ABCA4: variants seen among roughly 807,000 people sequenced by gnomAD.
ABCA4 encodes retinal-specific phospholipid-transporting ATPase ABCA4.
A neutral mutation model predicts 263.7 loss-of-function variants in ABCA4; 196 were observed. That is an observed-to-expected ratio of 0.74 (90% CI 0.66 to 0.84). ABCA4 has a LOEUF of 0.84. ABCA4 is among the 40% of genes least tolerant of loss of function. The pLI, the probability that ABCA4 is intolerant of heterozygous loss-of-function variation, is 0.00. For missense variants in ABCA4, 2,792 were observed against 2,855.1 expected, an observed-to-expected ratio of 0.98 and a Z score of 0.50; for synonymous variants, 1,133 against 1,094.2, an observed-to-expected ratio of 1.04 and a Z score of -0.70.
At chr1:94,105,274 C>T (rs921636679) in intron 4 of ABCA4, among the ~76,000 whole-genome samples, 1 of 152,190 alleles carries the variant, frequency 6.6e-6, no homozygotes, top group Non-Finnish European at 1.5e-5. Context: ...GACTGTTTAT[C>T]TCTTCGTTAT....
chr1:94,080,654 C>T lies in ABCA4; in HGVS notation c.923G>A (p.Gly308Asp), dbSNP rs1026256692. Residue 308 changes from glycine to aspartate, a missense_variant, in exon 8 of 50, where the codon GGT becomes GAT. By Grantham distance (94) the Gly-to-Asp change is moderately conservative. Coordinates refer to ENST00000370225, the MANE Select transcript of ABCA4 (RefSeq NM_000350.3). ...CATCAGCTTTGTAAAGGTCTCTGGA[C>T]CACCATTCTGCATGAGGGGCCTGGT... is the stretch of plus-strand genomic sequence containing the variant. ...WVTRPLMQNG[G>D]PETFTKLMGI... 6.2e-7 allele frequency: 1 copy of T among 1,614,012 alleles called. No homozygotes were observed. Among genetic ancestry groups the T allele is most frequent in the African/African-American group, 1.3e-5 (1 of 74,886 alleles).
chr1:94,018,294 G>A (rs867460041), intron 36 of ABCA4, among the ~76,000 whole-genome samples: 14 of 152,218 alleles, frequency 9.2e-5, no homozygotes, highest in African/African-American at 3.1e-4. Context: ...AAAAGCCTCC[G>A]CACTTTTCTA....
At chr1:94,030,602 T>C (rs1660172799) in intron 28 of ABCA4, 76 bp from the exon 29 acceptor site, 1 of 1,375,792 alleles carries the variant, frequency 7.3e-7, no homozygotes, top group Non-Finnish European at 1.0e-6. Flanking sequence ...CTTTACTGGA[T>C]AGCTGCTGTG....
At chr1:94,067,662 C>G (rs1661306414) in intron 11 of ABCA4, among the ~76,000 whole-genome samples, 1 of 152,198 alleles carries the variant, frequency 6.6e-6, no homozygotes. Flanking sequence ...TATGCCCTAT[C>G]TCATAGGTTT....
intron 36 of ABCA4, among the ~76,000 whole-genome samples, chr1:94,017,428 A>G (rs148321909): frequency 3.9e-4 from 59 of 152,374 alleles, no homozygotes; most frequent in African/African-American, 1.3e-3. Context: ...TCTGCAAAAT[A>G]ACCAGCCTGC....
rs535201968 is a variant in ABCA4 at position 94,021,188 on chromosome 1, A to G, written c.5018+52T>C. 5.6e-6 allele frequency: 9 copies of G among 1,610,998 alleles called. No homozygotes were observed. In the Admixed American group the frequency reaches 1.2e-4, roughly 21 times the overall value. On this transcript the variant is annotated intron_variant, in intron 35 of 49. Transcript: ENST00000370225. ...GTGAGAATCCTCTCAGGATGTTCAAAGAGTGGAGAAGGTGACAAGAAAGTG... is the reference window on the plus strand; with the variant it reads ...GTGAGAATCCTCTCAGGATGTTCAAGGAGTGGAGAAGGTGACAAGAAAGTG...
intron 20 of ABCA4, 46 bp from the exon 21 acceptor site, chr1:94,043,521 C>T: frequency 6.2e-7 from 1 of 1,611,698 alleles, no homozygotes; most frequent in Non-Finnish European, 8.5e-7. Flanking sequence ...AGCACTTCCA[C>T]TTCCAGCAGC....
At chr1:94,011,432 C>T (rs1174230275) in intron 38 of ABCA4, 47 bp from the exon 39 acceptor site, 1 of 1,603,164 alleles carries the variant, frequency 6.2e-7, no homozygotes, top group South Asian at 1.1e-5. Flanking sequence ...AACCCCACCC[C>T]CCCTCTCTTC....
chr1:94,077,707 C>T lies in ABCA4; in HGVS notation c.1537G>A (p.Val513Ile), dbSNP rs756023611. 2.5e-6 allele frequency: 4 copies of T among 1,612,616 alleles called. No individual in the cohort carries two copies. Among genetic ancestry groups the T allele is most frequent in the East Asian group, 2.2e-5 (1 of 44,850 alleles). ...CCCCTTACCTCCAGGTATTGATTGA[C>T]CAGGCGGAGGGTGCGATCAGTGATG... Reference protein sequence around the residue: ...FNITDRTLRLVNQYLECLVLD... With the variant: ...FNITDRTLRLINQYLECLVLD... Residue 513 changes from valine to isoleucine, a missense_variant, in exon 11 of 50, where the codon GTC (valine) becomes ATC (isoleucine). Physicochemically the swap from Val to Ile is conservative, Grantham distance 29. Transcript: ENST00000370225.
At chr1:94,003,942 A>AT (rs201539358) in intron 44 of ABCA4, among the ~76,000 whole-genome samples, 26 of 149,328 alleles carry the variant, frequency 1.7e-4, no homozygotes, top group Admixed American at 6.7e-4. Flanking sequence ...CCAGCCCCTT[A>AT]TTTTTTTTTT....
rs1659421446 is a variant in ABCA4 at position 94,007,438 on chromosome 1, AT to A, written c.6005+195del. The stretch of plus-strand genomic sequence containing the variant: ...ATCCCAACAGAGGAATCTCTTAACT[AT>A]CACAATTCAGTTCACTTTTCCATTG... On this transcript the variant is annotated intron_variant, in intron 43 of 49. Coordinates refer to ENST00000370225, the MANE Select transcript of ABCA4 (RefSeq NM_000350.3). 4.0e-5 allele frequency among the ~76,000 whole-genome samples: 6 copies of A among 151,790 alleles called. No homozygotes were observed. The South Asian group carries it at 1.2e-3, about 32-fold the overall frequency.
At chr1:94,055,090 C>T in intron 16 of ABCA4, 21 bp downstream of exon 16, 1 of 1,608,556 alleles carries the variant, frequency 6.2e-7, no homozygotes, top group African/African-American at 1.3e-5. Context: ...TTACCTTTAC[C>T]CTATAGAGGA....
chr1:94,031,211 TA>T, intron 27 of ABCA4, 91 bp from the exon 28 acceptor site: 10 of 1,533,570 alleles, frequency 6.5e-6, no homozygotes, highest in Non-Finnish European at 8.0e-6. Context: ...TTTAAACATT[TA>T]TCCTGCAGCC....
intron 22 of ABCA4, 66 bp from the exon 23 acceptor site, chr1:94,041,468 T>C: frequency 6.4e-7 from 1 of 1,566,492 alleles, no homozygotes; most frequent in East Asian, 2.2e-5. Flanking sequence ...GTAAAGGGTG[T>C]ACAGCAATTT....
intron 4 of ABCA4, among the ~76,000 whole-genome samples, chr1:94,104,949 A>G (rs1052087120): frequency 4.6e-5 from 7 of 152,092 alleles, no homozygotes; most frequent in African/African-American, 1.7e-4. Context: ...CATCCCCAAC[A>G]CACGCACACA....
At position 94,116,971 on chromosome 1, in the gene ABCA4, T is replaced by TTTC. The variant is rs1482707809; in HGVS notation, c.67-3908_67-3906dup. On this transcript the variant is annotated intron_variant, in intron 1 of 49. Coordinates refer to ENST00000370225, the MANE Select transcript of ABCA4 (RefSeq NM_000350.3). ...TCCCTCCCTCCTTTCTTTCTTTCTC[T>TTTC]TTCTTTCTTTCTTTCTTTCTTTCTT... Among the ~76,000 whole-genome samples, 47 of 75,548 alleles carry TTTC rather than the reference T, an allele frequency of 6.2e-4. No homozygotes were observed. The East Asian group carries it at 0.014, about 23-fold the overall frequency. The allele number at this position is 75,548 out of a possible 152,430, so 49.6% of individuals were successfully genotyped here.
chr1:94,060,711 T>G lies in ABCA4; in HGVS notation c.1986A>C (p.Ala662=), dbSNP rs564272715. ...NRCFPIFMVL[A]WIYSVSMTVK... is the part of the protein sequence containing the mutation. ...CAGTCATGGAGACAGAGTAGATCCA[T>G]GCCAGCACCATGAAGATAGGGAAAC... The change falls in exon 14 of 50, where the codon GCA becomes GCC. Residue 662 remains alanine, a synonymous_variant. Coordinates refer to ENST00000370225, the MANE Select transcript of ABCA4 (RefSeq NM_000350.3). 2.5e-6 allele frequency: 4 copies of G among 1,614,028 alleles called. No individual in the cohort carries two copies. The highest frequency in any genetic ancestry group is 3.4e-6 in the Non-Finnish European group (4 of 1,179,962).
In ABCA4 at chr1:93,993,921, G is replaced by C. The variant is rs7550875; in HGVS notation, c.6817-679C>G. Among the ~76,000 whole-genome samples, 356 of 152,200 alleles carry C rather than the reference G, an allele frequency of 2.3e-3. 4 individuals carry two copies. Among genetic ancestry groups the C allele is most frequent in the African/African-American group, 8.2e-3 (340 of 41,504 alleles). ...CGAGGAGGGGACTGGACAAAGGCCT[G>C]ACCAGTCTAGACGAAATGTGGTTTA... is the stretch of plus-strand genomic sequence containing the variant. On this transcript the variant is annotated intron_variant, in intron 49 of 49. Coordinates refer to ENST00000370225, the MANE Select transcript of ABCA4 (RefSeq NM_000350.3).
In ABCA4 at chr1:94,079,249, T is replaced by A. The variant is rs544004082; in HGVS notation, c.1239+73A>T. On this transcript the variant is annotated intron_variant, in intron 9 of 49. Transcript: ENST00000370225. ...GTGCTACCAGGAAGGCACATCTCTC[T>A]CACACACACACACACACACACACAC... 4.2e-4 allele frequency: 596 copies of A among 1,428,766 alleles called. No homozygotes were observed. The highest frequency in any genetic ancestry group is 8.4e-4 in the East Asian group (34 of 40,602). 88.5% of individuals were successfully genotyped at this position (1,428,766 alleles called of 1,614,324 possible). A position where few individuals can be genotyped will look rare whatever the true frequency, so the allele number is the denominator to read the frequency against.
Sources: gnomAD v4.1 joint callset for allele counts (sites outside exome capture counted in the v4.1 genomes callset) on GRCh38, gnomAD v4.1.1 for gene constraint, MANE v1.5 for transcripts, NCBI Gene and HGNC (gene_info 2026-07-23, HGNC 2026-07-21) for gene names.